The following PLXNA4 variants were observed in gnomAD, a reference collection of about 807,000 sequenced individuals.
PLXNA4 encodes the protein plexin-A4.
A neutral mutation model predicts 191.8 loss-of-function variants in PLXNA4; 44 were observed. The observed-to-expected ratio is 0.23, with a 90% CI of 0.18 to 0.29. The LOEUF is 0.29. Among genes scored for constraint, PLXNA4 ranks in the 10% least tolerant of loss-of-function variants. The pLI is 1.00. For synonymous variants in PLXNA4, 1,082 were observed against 1,009.5 expected (o/e 1.07, Z -1.36); for missense variants, 1,800 against 2,488.8 (o/e 0.72, Z 5.89).
chr7:132,264,698 T>C (rs910397630), intron 4 of PLXNA4, among the ~76,000 whole-genome samples: 16 of 150,860 alleles, frequency 1.1e-4, no homozygotes, highest in African/African-American at 3.6e-4. Context: ...TTTTTTTTTT[T>C]TTTTCTTTTT....
At chr7:132,158,830 G>A (rs1460098910) in intron 25 of PLXNA4, among the ~76,000 whole-genome samples, 1 of 152,198 alleles carries the variant, frequency 6.6e-6, no homozygotes, top group Admixed American at 6.5e-5. Flanking sequence ...CCTATGAAAT[G>A]CTTATGCAAA....
chr7:132,410,510 C>A (rs974955692), intron 3 of PLXNA4, among the ~76,000 whole-genome samples: 21 of 152,170 alleles, frequency 1.4e-4, no homozygotes, highest in African/African-American at 5.1e-4. Context: ...TCTGTCCCAA[C>A]GGGCAGTGAG....
chr7:132,560,805 G>A (rs961975201), intron 1 of PLXNA4, among the ~76,000 whole-genome samples: 1 of 151,982 alleles, frequency 6.6e-6, no homozygotes, highest in Non-Finnish European at 1.5e-5. Flanking sequence ...GTTCCTTGCT[G>A]CCCACCACCT....
At chr7:132,552,079 T>C (rs1359966345) in intron 1 of PLXNA4, among the ~76,000 whole-genome samples, 1 of 152,180 alleles carries the variant, frequency 6.6e-6, no homozygotes, top group Admixed American at 6.5e-5. Context: ...GCAGCCAAGA[T>C]GCAGCCGAAG....
At chr7:132,401,954 G>A (rs1174546272) in intron 3 of PLXNA4, among the ~76,000 whole-genome samples, 1 of 152,140 alleles carries the variant, frequency 6.6e-6, no homozygotes, top group African/African-American at 2.4e-5. Context: ...GTATCGATGG[G>A]TATAAAAGTA....
intron 30 of PLXNA4, among the ~76,000 whole-genome samples, chr7:132,136,822 A>G (rs1454893775): frequency 6.6e-6 from 1 of 152,150 alleles, no homozygotes; most frequent in East Asian, 1.9e-4. Context: ...AGTGAAAGAT[A>G]TTTCCAGCCT....
chr7:132,212,750 G>C (rs1797844025), intron 9 of PLXNA4, among the ~76,000 whole-genome samples: 1 of 152,190 alleles, frequency 6.6e-6, no homozygotes, highest in African/African-American at 2.4e-5. Context: ...GCAAGACCAT[G>C]GTCCACAGAT....
At chr7:132,233,649 G>T (rs563508043) in intron 5 of PLXNA4, among the ~76,000 whole-genome samples, 64 of 152,312 alleles carry the variant, frequency 4.2e-4, no homozygotes, top group Non-Finnish European at 7.9e-4. Context: ...ACAGAAGGAG[G>T]GCATAGGACT....
At chr7:132,468,210 T>C (rs998110718) in intron 3 of PLXNA4, among the ~76,000 whole-genome samples, 5 of 152,030 alleles carry the variant, frequency 3.3e-5, no homozygotes, top group African/African-American at 1.2e-4. Flanking sequence ...ACATTCAAAC[T>C]GCCAAGGCTT....
chr7:132,441,559 G>A (rs1795700319), intron 3 of PLXNA4, among the ~76,000 whole-genome samples: 1 of 152,200 alleles, frequency 6.6e-6, no homozygotes, highest in Non-Finnish European at 1.5e-5. Flanking sequence ...CAGATCCCAA[G>A]GCTATAGGAC....
chr7:132,617,898 T>C (rs796906095), intron 2 of PLXNA4, among the ~76,000 whole-genome samples: 11 of 152,320 alleles, frequency 7.2e-5, no homozygotes, highest in African/African-American at 2.6e-4. Flanking sequence ...TGCTGAACAG[T>C]ATTGTTTCTG....
chr7:132,436,713 A>G (rs1043429867), intron 3 of PLXNA4, among the ~76,000 whole-genome samples: 1 of 152,232 alleles, frequency 6.6e-6, no homozygotes, highest in Non-Finnish European at 1.5e-5. Context: ...ACCCAAAATC[A>G]GCATAGGACA....
At chr7:132,552,258 C>T (rs970323023) in intron 1 of PLXNA4, among the ~76,000 whole-genome samples, 8 of 152,164 alleles carry the variant, frequency 5.3e-5, no homozygotes, top group African/African-American at 9.7e-5. Context: ...AACCTCAGTG[C>T]TAAAGCCCTG....
chr7:132,141,099 C>T (rs1795254528), intron 29 of PLXNA4, among the ~76,000 whole-genome samples: 2 of 152,184 alleles, frequency 1.3e-5, no homozygotes, highest in Non-Finnish European at 2.9e-5. Flanking sequence ...TGGCAGGGCT[C>T]ATCATCTTCC....
Position 132,164,878 on chromosome 7 carries a change from G to T in PLXNA4, c.4353+256C>A, listed in dbSNP as rs550477156. ...AGGAGGATTCAGCTTTAGGGACCATGCAGGGCCTCTCAGGGCTCATCTATC... is the reference window on the plus strand; with the variant it reads ...AGGAGGATTCAGCTTTAGGGACCATTCAGGGCCTCTCAGGGCTCATCTATC... On this transcript the variant is annotated intron_variant, in intron 23 of 31. Transcript: ENST00000321063. Among the ~76,000 whole-genome samples the T allele has an allele frequency of 2.0e-5, 3 of 152,350 alleles. No homozygotes were observed. In the East Asian group the frequency reaches 5.8e-4, roughly 29 times the overall value.
chr7:132,225,616 G>GCC (rs35219127), intron 8 of PLXNA4, among the ~76,000 whole-genome samples: 4,266 of 149,780 alleles, frequency 0.028, 139 homozygotes, highest in African/African-American at 0.072. Flanking sequence ...GCCAGAGTCC[G>GCC]CCCCCCCCCA....
chr7:132,574,504 G>A (rs1802133181), intron 1 of PLXNA4, among the ~76,000 whole-genome samples: 3 of 152,246 alleles, frequency 2.0e-5, no homozygotes, highest in African/African-American at 7.2e-5. Flanking sequence ...CATGGCGGGG[G>A]CGGGGAGCTG....
chr7:132,215,861 A>C (rs117181307), intron 9 of PLXNA4, among the ~76,000 whole-genome samples: 2,034 of 152,354 alleles, frequency 0.013, 18 homozygotes, highest in Non-Finnish European at 0.021. Context: ...GCACTGCTGC[A>C]TCTGGCTGTT....
intron 3 of PLXNA4, among the ~76,000 whole-genome samples, chr7:132,355,905 A>G (rs1293144666): frequency 6.6e-6 from 1 of 152,128 alleles, no homozygotes; most frequent in Non-Finnish European, 1.5e-5. Flanking sequence ...TAAATGATAG[A>G]GGGTAGATTT....
Sources: gnomAD v4.1 joint callset for allele counts (sites outside exome capture counted in the v4.1 genomes callset) on GRCh38, gnomAD v4.1.1 for gene constraint, MANE v1.5 for transcripts, NCBI Gene and HGNC (gene_info 2026-07-23, HGNC 2026-07-21) for gene names.